Variants in METTL15 observed in about 807,000 individuals in gnomAD.
METTL15 encodes 12S rRNA N(4)-cytidine methyltransferase METTL15.
A neutral mutation model predicts 38.3 loss-of-function variants in METTL15; 34 were observed. That is an observed-to-expected ratio of 0.89 (90% CI 0.68 to 1.18). The LOEUF (loss-of-function observed/expected upper bound fraction) is 1.18. METTL15 is among the 50% of genes most tolerant of loss of function. METTL15 has a pLI of 0.00. For synonymous variants in METTL15, 162 were observed against 170.9 expected (o/e 0.95, Z 0.41); for missense variants, 438 against 498.4 (o/e 0.88, Z 1.15).
chr11:28,123,128 G>A (rs1852323155), intron 3 of METTL15, among the ~76,000 whole-genome samples: 1 of 152,060 alleles, frequency 6.6e-6, no homozygotes, highest in African/African-American at 2.4e-5. Flanking sequence ...TATATGAGAA[G>A]CTCATAGAAA....
intron 4 of METTL15, among the ~76,000 whole-genome samples, chr11:28,239,177 G>T (rs1038627947): frequency 1.3e-5 from 2 of 152,098 alleles, no homozygotes; most frequent in Non-Finnish European, 2.9e-5. Context: ...CAACTGCTTA[G>T]CTGGCATTTC....
At chr11:28,268,122 G>A (rs1197028461) in intron 4 of METTL15, among the ~76,000 whole-genome samples, 1 of 143,478 alleles carries the variant, frequency 7.0e-6, no homozygotes, top group Non-Finnish European at 1.5e-5. Context: ...GCGTGAACCC[G>A]AGAGGCGGAG....
At chr11:28,151,006 C>CAAA (rs34906623) in intron 3 of METTL15, among the ~76,000 whole-genome samples, 7 of 84,482 alleles carry the variant, frequency 8.3e-5, no homozygotes, top group African/African-American at 1.9e-4. Flanking sequence ...CAACAGTGAC[C>CAAA]AAAAAAAAAA....
chr11:28,425,642 A>T (rs974121904), intron 6 of METTL15, among the ~76,000 whole-genome samples: 8 of 152,094 alleles, frequency 5.3e-5, no homozygotes, highest in African/African-American at 1.9e-4. Context: ...AAGTGCTCTC[A>T]TAGCACCCGC....
chr11:28,436,869 G>T (rs973525495), intron 6 of METTL15, among the ~76,000 whole-genome samples: 2 of 152,140 alleles, frequency 1.3e-5, no homozygotes, highest in Non-Finnish European at 2.9e-5. Context: ...TGTGAAAGGA[G>T]AATAACATTT....
At chr11:28,510,070 A>G (rs1851661967) in intron 6 of METTL15, among the ~76,000 whole-genome samples, 2 of 152,178 alleles carry the variant, frequency 1.3e-5, no homozygotes, top group African/African-American at 2.4e-5. Flanking sequence ...GTAACACTGA[A>G]GTGCTATGCA....
chr11:28,251,505 G>A (rs541530343), intron 4 of METTL15, among the ~76,000 whole-genome samples: 1 of 152,108 alleles, frequency 6.6e-6, no homozygotes, highest in Admixed American at 6.6e-5. Context: ...GCAGGGCTCT[G>A]AGATTTTCAT....
chr11:28,311,743 A>T (rs1048712962), intron 6 of METTL15, among the ~76,000 whole-genome samples: 1 of 152,246 alleles, frequency 6.6e-6, no homozygotes, highest in East Asian at 1.9e-4. Flanking sequence ...ATCAGATAAC[A>T]TATTTTAGAT....
Position 28,226,034 on chromosome 11 carries a change from A to T in METTL15, c.407+14836A>T, listed in dbSNP as rs535921010. 1.8e-3 allele frequency among the ~76,000 whole-genome samples: 273 copies of T among 151,958 alleles called. 1 individual carries two copies. Among genetic ancestry groups the T allele is most frequent in the Non-Finnish European group, 3.3e-3 (221 of 67,832 alleles). On this transcript the variant is annotated intron_variant, in intron 4 of 6. Transcript: ENST00000407364. ...AGCTAATTAGAAGTTATCTTTTCTTATATAATATTTTCTTATTTAATTTGT... is the reference window on the plus strand; with the variant it reads ...AGCTAATTAGAAGTTATCTTTTCTTTTATAATATTTTCTTATTTAATTTGT...
rs1271133234 is a variant in METTL15 at position 28,436,724 on chromosome 11, CTT to C, written c.*424+12361_*424+12362del. On this transcript the variant is annotated intron_variant and NMD_transcript_variant, in intron 6 of 7. Coordinates refer to the METTL15 transcript ENST00000532947. ...TATGCCATGTGCTCACTATTTCTCT[CTT>C]GTTTCCTAGGTTTTCAAGGGTAGAA... Among the ~76,000 whole-genome samples, 2 of 152,068 alleles carry C rather than the reference CTT, an allele frequency of 1.3e-5. 1 individual carries two copies. The highest frequency in any genetic ancestry group is 4.1e-4 in the South Asian group (2 of 4,824).
chr11:28,366,933 C>G (rs1850191849), intron 5 of METTL15, among the ~76,000 whole-genome samples: 1 of 152,090 alleles, frequency 6.6e-6, no homozygotes, highest in Non-Finnish European at 1.5e-5. Flanking sequence ...AAGCATAAAG[C>G]CAAGAATAGC....
In METTL15 at chr11:28,331,871, T is replaced by C. The variant is rs1159440049; in HGVS notation, c.*1030T>C. The C allele has an allele frequency of 9.9e-5, 15 of 152,116 alleles. No individual in the cohort carries two copies. Among genetic ancestry groups the C allele is most frequent in the Non-Finnish European group, 2.1e-4 (14 of 67,976 alleles). 9.4% of individuals were successfully genotyped at this position (152,116 alleles called of 1,614,324 possible). A position where few individuals can be genotyped will look rare whatever the true frequency, so the allele number is the denominator to read the frequency against. Reference sequence around the variant, plus strand: ...TGAAAGATGAGTTGGAGATAATTAGTCAAAGGGCACATGGAGTATGGAAGG... The same window carrying C: ...TGAAAGATGAGTTGGAGATAATTAGCCAAAGGGCACATGGAGTATGGAAGG... On this transcript the variant is annotated 3_prime_UTR_variant, in exon 7 of 7. Transcript: ENST00000407364.
At chr11:28,495,207 G>T (rs1017789493) in intron 6 of METTL15, among the ~76,000 whole-genome samples, 27 of 152,154 alleles carry the variant, frequency 1.8e-4, no homozygotes, top group African/African-American at 5.6e-4. Context: ...AAGTAACAGT[G>T]CTTGTAAAGC....
chr11:28,158,860 T>A (rs1331712727), intron 3 of METTL15, among the ~76,000 whole-genome samples: 1 of 152,168 alleles, frequency 6.6e-6, no homozygotes, highest in Non-Finnish European at 1.5e-5. Context: ...CAATGCCAAC[T>A]AGGTGACAAT....
chr11:28,361,108 C>T (rs1213062049), intron 4 of METTL15, among the ~76,000 whole-genome samples: 7 of 150,994 alleles, frequency 4.6e-5, no homozygotes, highest in East Asian at 3.9e-4. Flanking sequence ...TGAATAGTGC[C>T]GCAATAAACA....
At chr11:28,121,813 T>A (rs1286890602) in intron 3 of METTL15, among the ~76,000 whole-genome samples, 1 of 152,084 alleles carries the variant, frequency 6.6e-6, no homozygotes, top group African/African-American at 2.4e-5. Flanking sequence ...GATTTTATGA[T>A]AAGCTTTATG....
At chr11:28,123,088 A>G (rs940510877) in intron 3 of METTL15, among the ~76,000 whole-genome samples, 1 of 152,152 alleles carries the variant, frequency 6.6e-6, no homozygotes, top group African/African-American at 2.4e-5. Flanking sequence ...CAGGAAATAG[A>G]CATGACCCAG....
intron 3 of METTL15, among the ~76,000 whole-genome samples, chr11:28,121,297 A>C (rs1852222196): frequency 6.6e-6 from 1 of 152,108 alleles, no homozygotes; most frequent in African/African-American, 2.4e-5. Flanking sequence ...GAGGGCAATA[A>C]ATATTTATTT....
intron 6 of METTL15, among the ~76,000 whole-genome samples, chr11:28,472,055 A>G (rs1851308723): frequency 6.6e-6 from 1 of 152,186 alleles, no homozygotes; most frequent in African/African-American, 2.4e-5. Flanking sequence ...CAGGTTTGCA[A>G]TAGAAACTTT....
Sources: allele counts gnomAD v4.1 joint callset (sites outside exome capture counted in the v4.1 genomes callset), GRCh38; gene constraint gnomAD v4.1.1; transcripts MANE v1.5; gene names NCBI Gene and HGNC (gene_info 2026-07-23, HGNC 2026-07-21).